Variants in EMB observed in about 807,000 individuals in gnomAD.
EMB encodes the protein embigin.
Under a neutral mutation model 41.4 loss-of-function variants are expected in EMB, and 31 were observed. The observed-to-expected ratio is 0.75, with a 90% CI of 0.56 to 1.01. The LOEUF (loss-of-function observed/expected upper bound fraction) is 1.01, where lower values mean the gene tolerates loss of function less well. Ranked by LOEUF, EMB falls within the 50% of genes least tolerant of loss-of-function variation. The pLI, the probability that EMB is intolerant of heterozygous loss-of-function variation, is 0.00. For synonymous variants in EMB, 137 were observed against 140.4 expected, an observed-to-expected ratio of 0.98 and a Z score of 0.17; for missense variants, 379 against 388.3, an observed-to-expected ratio of 0.98 and a Z score of 0.20.
intron 5 of EMB, among the ~76,000 whole-genome samples, chr5:50,405,504 G>A (rs975268665): frequency 1.3e-5 from 2 of 151,866 alleles, no homozygotes; most frequent in Non-Finnish European, 2.9e-5. Flanking sequence ...ACCAGCTAAT[G>A]AAACGTTAAG....
rs760165725 is a variant in EMB at position 50,403,285 on chromosome 5, T to G, written c.770A>C (p.Tyr257Ser). The G allele has an allele frequency of 1.2e-6, 2 of 1,612,724 alleles. No individual in the cohort carries two copies. The highest frequency in any genetic ancestry group is 1.7e-6 in the Non-Finnish European group (2 of 1,179,212). Reference protein sequence around the residue: ...EEHIELVVLSYLVPLKPFLVI... With the variant: ...EEHIELVVLSSLVPLKPFLVI... ...AAGAAATGGTTTGAGGGGCACCAAA[T>G]AGCTCAGCACCACAAGCTCAATGTG... The change falls in exon 6 of 9, where the codon TAT becomes TCT. Residue 257 changes from tyrosine to serine, a missense_variant. Coordinates refer to ENST00000303221, the MANE Select transcript of EMB (RefSeq NM_198449.3).
chr5:50,402,770 A>G (rs1405490545), intron 6 of EMB, among the ~76,000 whole-genome samples: 1 of 151,348 alleles, frequency 6.6e-6, no homozygotes, highest in Non-Finnish European at 1.5e-5. Context: ...TAAGTGAAAG[A>G]AAAATTGTTT....
intron 7 of EMB, 93 bp downstream of exon 7, chr5:50,402,193 C>T: frequency 7.4e-7 from 1 of 1,353,880 alleles, no homozygotes; most frequent in South Asian, 1.2e-5. Context: ...ACTCCTCTGC[C>T]TTTTCTCCCC....
intron 2 of EMB, among the ~76,000 whole-genome samples, chr5:50,417,145 C>T (rs1317691127): frequency 6.6e-6 from 1 of 152,172 alleles, no homozygotes; most frequent in Non-Finnish European, 1.5e-5. Flanking sequence ...GATTCACCTG[C>T]CCTGTAATAA....
chr5:50,425,830 C>T (rs1019058786), intron 2 of EMB, among the ~76,000 whole-genome samples: 1 of 151,692 alleles, frequency 6.6e-6, no homozygotes, highest in African/African-American at 2.4e-5. Flanking sequence ...AATACAGGTG[C>T]CCACCACCAC....
At chr5:50,438,394 T>C (rs1264122260) in intron 1 of EMB, among the ~76,000 whole-genome samples, 1 of 152,150 alleles carries the variant, frequency 6.6e-6, no homozygotes, top group Non-Finnish European at 1.5e-5. Flanking sequence ...TGCAATACTC[T>C]GAGATGAATT....
chr5:50,433,787 T>G (rs1745762069), intron 1 of EMB, among the ~76,000 whole-genome samples: 2 of 152,212 alleles, frequency 1.3e-5, no homozygotes, highest in South Asian at 4.1e-4. Flanking sequence ...CTTTCACAGT[T>G]CTGGAGGCCA....
chr5:50,421,902 G>C (rs1745530651), intron 2 of EMB, among the ~76,000 whole-genome samples: 1 of 124,386 alleles, frequency 8.0e-6, no homozygotes, highest in South Asian at 3.2e-4. Context: ...TTGTGGGGTG[G>C]GGGGAGGGGG....
chr5:50,404,808 G>T (rs1301320323), intron 5 of EMB, among the ~76,000 whole-genome samples: 1 of 151,848 alleles, frequency 6.6e-6, no homozygotes, highest in East Asian at 1.9e-4. Context: ...GGATTTGGTT[G>T]GAACTATTTC....
At chr5:50,412,647 C>G (rs1163254734) in intron 2 of EMB, among the ~76,000 whole-genome samples, 1 of 139,794 alleles carries the variant, frequency 7.2e-6, no homozygotes, top group East Asian at 2.3e-4. Context: ...GCCCTTTGAG[C>G]TACATGTTTT....
chr5:50,401,026 T>C (rs987649485), intron 7 of EMB, among the ~76,000 whole-genome samples: 7 of 151,970 alleles, frequency 4.6e-5, no homozygotes, highest in Admixed American at 4.6e-4. Context: ...TGTTATATGA[T>C]GCTAAGAACA....
intron 2 of EMB, among the ~76,000 whole-genome samples, chr5:50,417,591 A>C (rs948715462): frequency 1.3e-5 from 2 of 152,232 alleles, no homozygotes; most frequent in African/African-American, 2.4e-5. Context: ...CAATGTGCAC[A>C]GAGAAACCTG....
Position 50,403,252 on chromosome 5 carries a change from A to G in EMB, c.803T>C (p.Val268Ala). The change falls in exon 6 of 9, where the codon GTG (valine) becomes GCG (alanine). Residue 268 changes from valine (V) to alanine (A), a missense_variant. Physicochemically the swap from Val to Ala is moderately conservative, Grantham distance 64. Coordinates refer to ENST00000303221, the MANE Select transcript of EMB (RefSeq NM_198449.3). The stretch of plus-strand genomic sequence containing the variant: ...GGCCACTAAAAGAATCACCTCAGCC[A>G]CTATTACAAGAAATGGTTTGAGGGG... ...LVPLKPFLVIVAEVILLVATI... is the reference protein window; with the variant it reads ...LVPLKPFLVIAAEVILLVATI... The G allele has an allele frequency of 6.2e-7, 1 of 1,612,600 alleles. No individual in the cohort carries two copies. Among genetic ancestry groups the G allele is most frequent in the Non-Finnish European group, 8.5e-7 (1 of 1,179,102 alleles).
intron 2 of EMB, among the ~76,000 whole-genome samples, chr5:50,420,531 C>T (rs897548030): frequency 1.3e-5 from 2 of 152,208 alleles, no homozygotes; most frequent in African/African-American, 2.4e-5. Flanking sequence ...TACAACACTG[C>T]TAACAACAGA....
intron 5 of EMB, among the ~76,000 whole-genome samples, chr5:50,405,361 C>T (rs1195849333): frequency 6.6e-6 from 1 of 151,750 alleles, no homozygotes; most frequent in Admixed American, 6.6e-5. Context: ...AGCATTTTTT[C>T]TAGTTACTTT....
At chr5:50,412,173 A>G (rs190228457) in intron 2 of EMB, among the ~76,000 whole-genome samples, 4 of 152,018 alleles carry the variant, frequency 2.6e-5, no homozygotes, top group African/African-American at 9.6e-5. Flanking sequence ...GAAGAGAAGG[A>G]GCTAACCCTT....
At chr5:50,411,057 GAAAT>G in intron 3 of EMB, 92 bp from the exon 4 acceptor site, 2 of 1,212,976 alleles carry the variant, frequency 1.6e-6, no homozygotes, top group South Asian at 1.6e-5. Flanking sequence ...TTTAAAAAGA[GAAAT>G]AATTCTGTAA....
At chr5:50,410,295 C>A (rs1745313024) in intron 4 of EMB, among the ~76,000 whole-genome samples, 1 of 151,968 alleles carries the variant, frequency 6.6e-6, no homozygotes, top group African/African-American at 2.4e-5. Context: ...TTGAGACCTT[C>A]TTGAGTTTTG....
At chr5:50,403,094 A>G in intron 6 of EMB, 84 bp downstream of exon 6, 1 of 1,262,418 alleles carries the variant, frequency 7.9e-7, no homozygotes, top group South Asian at 1.6e-5. Flanking sequence ...ATCAAATCAT[A>G]ATCCATATCA....
Sources: gnomAD v4.1 joint callset for allele counts (sites outside exome capture counted in the v4.1 genomes callset) on GRCh38, gnomAD v4.1.1 for gene constraint, MANE v1.5 for transcripts, NCBI Gene and HGNC (gene_info 2026-07-23, HGNC 2026-07-21) for gene names.